Variants in LCORL observed in about 807,000 individuals in gnomAD.
The protein encoded by LCORL is ligand dependent nuclear receptor corepressor like.
LCORL carries 41 observed loss-of-function variants against 141.8 expected under a neutral mutation model. The observed-to-expected ratio is 0.29, with a 90% CI of 0.23 to 0.38. The LOEUF (loss-of-function observed/expected upper bound fraction) is 0.38. Among genes scored for constraint, LCORL ranks in the 10% least tolerant of loss-of-function variants. The probability of loss-of-function intolerance (pLI) is 1.00; values close to 1 mark genes in which losing one functional copy is unlikely to be tolerated. For synonymous variants in LCORL, 618 were observed against 694.1 expected, an observed-to-expected ratio of 0.89 and a Z score of 1.72; for missense variants, 1,759 against 2,035.0, an observed-to-expected ratio of 0.86 and a Z score of 2.61.
chr4:18,002,541 TTC>T (rs1410176784), intron 1 of LCORL, among the ~76,000 whole-genome samples: 1 of 152,214 alleles, frequency 6.6e-6, no homozygotes, highest in African/African-American at 2.4e-5. Context: ...ACTTTTCACT[TTC>T]TGTTGTAAAT....
Position 17,858,598 on chromosome 4 carries a change from C to G in LCORL, c.5603-12697G>C, listed in dbSNP as rs147274024. Among the ~76,000 whole-genome samples the G allele has an allele frequency of 5.5e-3, 839 of 151,222 alleles. 4 individuals carry two copies. The highest frequency in any genetic ancestry group is 0.02 in the African/African-American group (805 of 41,260). On this transcript the variant is annotated intron_variant, in intron 7 of 7. Coordinates refer to ENST00000635767, the Ensembl canonical transcript of LCORL. ...ACAAAATTAGCCAGGCATGGTGGGG[C>G]ATGCCTGTAATCCCAGCTACTTGGG...
intron 1 of LCORL, among the ~76,000 whole-genome samples, chr4:18,001,970 C>T (rs1722043773): frequency 6.6e-6 from 1 of 152,188 alleles, no homozygotes; most frequent in Admixed American, 6.5e-5. Flanking sequence ...TATCCATCCA[C>T]ACACATATGT....
At chr4:17,984,294 G>C (rs1194385656) in intron 1 of LCORL, among the ~76,000 whole-genome samples, 1 of 152,150 alleles carries the variant, frequency 6.6e-6, no homozygotes, top group East Asian at 1.9e-4. Flanking sequence ...CAATGAGTTG[G>C]GGAGGAGATC....
chr4:18,017,119 G>A (rs1286033120), intron 1 of LCORL, among the ~76,000 whole-genome samples: 1 of 152,008 alleles, frequency 6.6e-6, no homozygotes, highest in Admixed American at 6.6e-5. Flanking sequence ...GGCCAAACCT[G>A]GGACAATTTG....
intron 7 of LCORL, among the ~76,000 whole-genome samples, chr4:17,873,008 A>G (rs1726536148): frequency 6.6e-6 from 1 of 152,086 alleles, no homozygotes; most frequent in Non-Finnish European, 1.5e-5. Context: ...TTACTAGTTT[A>G]TAGTGTGGTA....
chr4:17,899,856 A>G (rs1730611964), intron 5 of LCORL, among the ~76,000 whole-genome samples: 1 of 152,178 alleles, frequency 6.6e-6, no homozygotes, highest in African/African-American at 2.4e-5. Context: ...ATTATATAAA[A>G]TTACTTTCAG....
intron 5 of LCORL, chr4:17,893,279 AATTAAG>A (rs1333479617): frequency 1.5e-6 from 1 of 654,388 alleles, no homozygotes; most frequent in African/African-American, 2.0e-5. Context: ...CTGAAGTAAA[AATTAAG>A]ATTGAGTTTA....
chr4:17,987,806 A>T (rs1719258899), intron 1 of LCORL, among the ~76,000 whole-genome samples: 2 of 152,004 alleles, frequency 1.3e-5, no homozygotes, highest in South Asian at 2.1e-4. Flanking sequence ...GTCTATTCAA[A>T]TTTTTTGCCC....
chr4:18,000,466 T>C (rs1721769348), intron 1 of LCORL, among the ~76,000 whole-genome samples: 1 of 152,084 alleles, frequency 6.6e-6, no homozygotes, highest in Admixed American at 6.6e-5. Flanking sequence ...GAATCAAAAT[T>C]AAGAATGTGT....
chr4:17,939,796 C>T (rs988775706), intron 4 of LCORL, among the ~76,000 whole-genome samples: 2 of 150,984 alleles, frequency 1.3e-5, no homozygotes, highest in African/African-American at 4.9e-5. Flanking sequence ...GGTGGTTCAT[C>T]TAAACAGAGG....
intron 7 of LCORL, among the ~76,000 whole-genome samples, chr4:17,859,131 A>G (rs932406691): frequency 3.9e-5 from 6 of 152,122 alleles, no homozygotes; most frequent in Non-Finnish European, 8.8e-5. Context: ...TTGTTTTTCA[A>G]TGTCAGTATT....
At chr4:18,000,013 T>C (rs1396114489) in intron 1 of LCORL, among the ~76,000 whole-genome samples, 3 of 152,188 alleles carry the variant, frequency 2.0e-5, no homozygotes. Context: ...ATTAAAAACT[T>C]TTAGCACAAT....
chr4:17,990,115 T>TC (rs1333204995), intron 1 of LCORL, among the ~76,000 whole-genome samples: 211 of 149,528 alleles, frequency 1.4e-3, no homozygotes, highest in African/African-American at 4.4e-3. Context: ...TTTTTTTTTT[T>TC]TGAAATGGAG....
intron 1 of LCORL, among the ~76,000 whole-genome samples, chr4:18,009,388 A>G (rs528414624): frequency 6.6e-6 from 1 of 151,074 alleles, no homozygotes; most frequent in South Asian, 2.1e-4. Context: ...CATGTATATA[A>G]TCTCCTTACC....
Position 18,021,858 on chromosome 4 carries a change from G to C in LCORL, c.-107C>G. 7.9e-7 allele frequency: 1 copy of C among 1,272,264 alleles called. No individual in the cohort carries two copies. Among genetic ancestry groups the C allele is most frequent in the South Asian group, 1.6e-5 (1 of 60,744 alleles). 78.8% of individuals were successfully genotyped at this position (1,272,264 alleles called of 1,614,324 possible). Reference sequence around the variant, plus strand: ...CGGAGCGCGCGCCCCCCGGAGGGGGGTTGATTGACACGTGTCACTACCTTC... The same window carrying C: ...CGGAGCGCGCGCCCCCCGGAGGGGGCTTGATTGACACGTGTCACTACCTTC... On this transcript the variant is annotated 5_prime_UTR_variant, in exon 1 of 8. Transcript: ENST00000635767. The surrounding 1 kb of genome is among the most constrained non-coding windows in gnomAD (Gnocchi z 5.5).
At chr4:17,861,383 C>A (rs1254402086) in intron 7 of LCORL, among the ~76,000 whole-genome samples, 2 of 152,214 alleles carry the variant, frequency 1.3e-5, no homozygotes, top group East Asian at 1.9e-4. Flanking sequence ...GTGAGCCGTA[C>A]CTCGGCCCCT....
chr4:17,865,731 T>C (rs1386369896), intron 7 of LCORL, among the ~76,000 whole-genome samples: 1 of 152,152 alleles, frequency 6.6e-6, no homozygotes, highest in Non-Finnish European at 1.5e-5. Context: ...TCCAGAAGCA[T>C]AAGCATAAGT....
intron 1 of LCORL, among the ~76,000 whole-genome samples, chr4:18,001,693 TA>T (rs1270279142): frequency 6.6e-6 from 1 of 152,218 alleles, no homozygotes; most frequent in African/African-American, 2.4e-5. Context: ...ACACAGCTCG[TA>T]AATTTTGCAA....
rs755220872 is a variant in LCORL, at chr4:17,975,472, T to C, written c.155-2587A>G. Among the ~76,000 whole-genome samples the C allele has an allele frequency of 2.0e-5, 3 of 152,172 alleles. No homozygotes were observed. In the East Asian group the frequency reaches 5.8e-4, roughly 29 times the overall value. On this transcript the variant is annotated intron_variant, in intron 1 of 7. Transcript: ENST00000635767. ...GTGCAGTGGCGTGATCTCGGCTCAT[T>C]GCAACCTCCACCTCCTGGGTACATG...
Sources: gnomAD v4.1 joint callset for allele counts (sites outside exome capture counted in the v4.1 genomes callset) on GRCh38, gnomAD v4.1.1 for gene constraint, Gnocchi (gnomAD v3.1) non-coding constraint, MANE v1.5 for transcripts, NCBI Gene and HGNC (gene_info 2026-07-23, HGNC 2026-07-21) for gene names.